Variants in ATP8A2 observed in about 807,000 individuals in gnomAD.
ATP8A2 encodes ATPase phospholipid transporting 8A2, also known as phospholipid-transporting ATPase IB.
ATP8A2 carries 100 observed loss-of-function variants against 165.6 expected under a neutral mutation model. That is an observed-to-expected ratio of 0.60 (90% CI 0.51 to 0.71). The LOEUF (loss-of-function observed/expected upper bound fraction) is 0.71. Ranked by LOEUF, ATP8A2 falls within the 30% of genes least tolerant of loss-of-function variation. ATP8A2 has a pLI of 0.00. For synonymous variants in ATP8A2, 543 were observed against 548.8 expected, an observed-to-expected ratio of 0.99 and a Z score of 0.15; for missense variants, 1,227 against 1,479.5, an observed-to-expected ratio of 0.83 and a Z score of 2.80.
chr13:25,959,331 A>G (rs1483805608), intron 33 of ATP8A2, among the ~76,000 whole-genome samples: 1 of 152,240 alleles, frequency 6.6e-6, no homozygotes, highest in African/African-American at 2.4e-5. Flanking sequence ...CCTGGTTTCC[A>G]TATACCGTTC....
intron 35 of ATP8A2, among the ~76,000 whole-genome samples, chr13:25,986,174 A>G (rs1237574207): frequency 6.6e-6 from 1 of 152,236 alleles, no homozygotes. Context: ...GCCACAATCA[A>G]GCTAAATACA....
chr13:25,486,488 G>A (rs2036356761), intron 2 of ATP8A2, among the ~76,000 whole-genome samples: 1 of 152,030 alleles, frequency 6.6e-6, no homozygotes, highest in Non-Finnish European at 1.5e-5. Flanking sequence ...TTGAACTATT[G>A]TGTTAAGGGA....
chr13:25,407,408 C>A lies in ATP8A2; in HGVS notation c.76+35120C>A, dbSNP rs1001956362. On this transcript the variant is annotated intron_variant, in intron 1 of 36. Coordinates refer to ENST00000381655, the MANE Select transcript of ATP8A2 (RefSeq NM_016529.6). ...CAGACAAGGAAGCAATTTTAAAAAA[C>A]CAAACTCTTCCAACTGTATGTATTT... 3.9e-5 allele frequency among the ~76,000 whole-genome samples: 6 copies of A among 152,290 alleles called. No homozygotes were observed. The South Asian group carries it at 1.2e-3, about 32-fold the overall frequency.
intron 1 of ATP8A2, among the ~76,000 whole-genome samples, chr13:25,394,343 G>A (rs1391519618): frequency 1.3e-5 from 2 of 152,204 alleles, no homozygotes; most frequent in Admixed American, 1.3e-4. Flanking sequence ...TGTTGCTCAG[G>A]ATAATTCATT....
chr13:25,778,793 CTGCCACTGTATCCTCCTTACTTTATT>C (rs1220383944), intron 27 of ATP8A2, among the ~76,000 whole-genome samples: 2 of 152,216 alleles, frequency 1.3e-5, no homozygotes, highest in African/African-American at 4.8e-5. Flanking sequence ...CCAGCCTCCT[CTGCCACTGTATCCTCCTTACTTTATT>C]TGTAATCAGT....
At chr13:25,832,741 C>A (rs1051557557) in intron 28 of ATP8A2, among the ~76,000 whole-genome samples, 22 of 152,052 alleles carry the variant, frequency 1.4e-4, no homozygotes, top group African/African-American at 4.6e-4. Context: ...GCATGCTGCC[C>A]AAAATGGTAA....
intron 33 of ATP8A2, among the ~76,000 whole-genome samples, chr13:25,910,063 C>T (rs374836053): frequency 3.9e-5 from 6 of 152,154 alleles, no homozygotes; most frequent in Admixed American, 2.0e-4. Flanking sequence ...GTAGTGTTCG[C>T]GCCTGTGGCT....
Position 25,537,201 on chromosome 13 carries a change from T to C in ATP8A2, c.508-787T>C, listed in dbSNP as rs367804902. On this transcript the variant is annotated intron_variant, in intron 6 of 36. Coordinates refer to ENST00000381655, the MANE Select transcript of ATP8A2 (RefSeq NM_016529.6). ...TGGTCTCTGACTTTGGCCGTGATCC[T>C]TTTTCTGGGAATTTCTTGAGGCTGT... is the stretch of plus-strand genomic sequence containing the variant. Among the ~76,000 whole-genome samples, 185 of 152,338 alleles carry C rather than the reference T, an allele frequency of 1.2e-3. 1 individual carries two copies. The highest frequency in any genetic ancestry group is 3.7e-3 in the African/African-American group (152 of 41,586).
rs1957146494 is a variant in ATP8A2, at chr13:26,025,176, A to G, written c.*5191A>G. ...AAAAGGAAACCAGCCCTGTCATGGA[A>G]TTTCTCTCCTTCCCTGCACAGTAAA... On this transcript the variant is annotated 3_prime_UTR_variant, in exon 37 of 37. Coordinates refer to ENST00000381655, the MANE Select transcript of ATP8A2 (RefSeq NM_016529.6). 6.6e-6 allele frequency: 1 copy of G among 151,374 alleles called. No homozygotes were observed. The highest frequency in any genetic ancestry group is 2.4e-5 in the African/African-American group (1 of 41,222). The allele number at this position is 151,374 out of a possible 1,614,324, so 9.4% of individuals were successfully genotyped here.
chr13:25,641,659 A>G (rs9511852), intron 24 of ATP8A2, among the ~76,000 whole-genome samples: 150,213 of 151,870 alleles, frequency 0.99, 74,302 homozygotes, highest in East Asian at 1. Context: ...AATCAATATC[A>G]TGAAAATGGC....
At chr13:25,389,875 G>A (rs751091850) in intron 1 of ATP8A2, among the ~76,000 whole-genome samples, 1 of 152,214 alleles carries the variant, frequency 6.6e-6, no homozygotes, top group Non-Finnish European at 1.5e-5. Flanking sequence ...TGCTCACAAG[G>A]CATAATTAAT....
intron 1 of ATP8A2, among the ~76,000 whole-genome samples, chr13:25,433,226 C>T (rs1375890402): frequency 1.3e-5 from 2 of 152,124 alleles, no homozygotes; most frequent in Non-Finnish European, 2.9e-5. Context: ...CTCTGAAAAT[C>T]GCAGTTGTGT....
chr13:25,543,546 C>T (rs935541578), intron 10 of ATP8A2, 144 bp downstream of exon 10: 1 of 538,004 alleles, frequency 1.9e-6, no homozygotes, highest in Admixed American at 3.2e-5. Context: ...ATTTTAGTTT[C>T]TTAGGTAGCT....
At chr13:25,790,004 G>A (rs2045126876) in intron 27 of ATP8A2, among the ~76,000 whole-genome samples, 1 of 152,134 alleles carries the variant, frequency 6.6e-6, no homozygotes, top group African/African-American at 2.4e-5. Flanking sequence ...AAATGGTGCT[G>A]GGATAACTGG....
chr13:25,425,126 A>C (rs1430725941), intron 1 of ATP8A2, among the ~76,000 whole-genome samples: 1 of 152,186 alleles, frequency 6.6e-6, no homozygotes, highest in Non-Finnish European at 1.5e-5. Context: ...AAAAATGAAG[A>C]AATTGGCTGA....
chr13:25,737,973 C>T (rs1276719589), intron 25 of ATP8A2, among the ~76,000 whole-genome samples: 11 of 152,300 alleles, frequency 7.2e-5, no homozygotes, highest in Non-Finnish European at 1.6e-4. Flanking sequence ...CGTGAGCCAT[C>T]ACACCCAGCC....
chr13:25,393,504 C>T (rs928966955), intron 1 of ATP8A2, among the ~76,000 whole-genome samples: 3 of 152,182 alleles, frequency 2.0e-5, no homozygotes, highest in Non-Finnish European at 4.4e-5. Flanking sequence ...CAACCTCTGC[C>T]TCCTGGGTTC....
intron 30 of ATP8A2, 70 bp downstream of exon 30, chr13:25,839,694 T>A: frequency 7.9e-7 from 1 of 1,269,668 alleles, no homozygotes; most frequent in Non-Finnish European, 1.1e-6. Flanking sequence ...GTGTTCACAA[T>A]TTTTTTTTCC....
At chr13:25,663,583 A>G (rs2042093669) in intron 24 of ATP8A2, among the ~76,000 whole-genome samples, 1 of 152,196 alleles carries the variant, frequency 6.6e-6, no homozygotes, top group Admixed American at 6.5e-5. Context: ...ATCCGACATT[A>G]TCTGTTTCAA....
Sources: allele counts gnomAD v4.1 joint callset (sites outside exome capture counted in the v4.1 genomes callset), GRCh38; gene constraint gnomAD v4.1.1; transcripts MANE v1.5; gene names NCBI Gene and HGNC (gene_info 2026-07-23, HGNC 2026-07-21).